The following GRIP1 variants were observed in gnomAD, a reference collection of about 807,000 sequenced individuals.
GRIP1 encodes glutamate receptor interacting protein 1.
In GRIP1, 45 loss-of-function variants were observed where a neutral mutation model predicts 129.9. The ratio of observed to expected loss-of-function variants is 0.35; its 90% CI spans 0.27 to 0.44. The LOEUF (loss-of-function observed/expected upper bound fraction) is 0.44. Among genes scored for constraint, GRIP1 ranks in the 20% least tolerant of loss-of-function variants. GRIP1 has a pLI of 1.00. For synonymous variants in GRIP1, 530 were observed against 520.8 expected (o/e 1.02, Z -0.24); for missense variants, 1,196 against 1,396.8 (o/e 0.86, Z 2.29).
intron 1 of GRIP1, among the ~76,000 whole-genome samples, chr12:66,927,206 C>T (rs924213371): frequency 2.0e-5 from 3 of 152,208 alleles, no homozygotes. Context: ...AGCCTGTGAG[C>T]TACTGTTATA....
chr12:66,552,196 A>G (rs2062164579), intron 2 of GRIP1, among the ~76,000 whole-genome samples: 1 of 152,198 alleles, frequency 6.6e-6, no homozygotes. Context: ...TGTGCCTGAA[A>G]GGGAAATGGA....
chr12:66,515,452 G>A (rs569422774), intron 7 of GRIP1, among the ~76,000 whole-genome samples, 167 bp downstream of exon 7: 261 of 152,268 alleles, frequency 1.7e-3, no homozygotes, highest in Middle Eastern at 0.01. Flanking sequence ...GTAAAGTACA[G>A]CCACTCACAT....
intron 2 of GRIP1, among the ~76,000 whole-genome samples, chr12:66,583,056 G>C (rs1194211740): frequency 3.3e-5 from 5 of 151,296 alleles, no homozygotes; most frequent in African/African-American, 4.8e-5. Context: ...TACCAAAACA[G>C]AGATATAGAT....
At chr12:67,041,396 A>T (rs1832570544) in intron 1 of GRIP1, among the ~76,000 whole-genome samples, 1 of 151,918 alleles carries the variant, frequency 6.6e-6, no homozygotes, top group Non-Finnish European at 1.5e-5. Flanking sequence ...ATATATATGG[A>T]GAGAGAGAGA....
intron 7 of GRIP1, among the ~76,000 whole-genome samples, chr12:66,473,037 AC>A (rs1363771049): frequency 1.3e-5 from 2 of 151,974 alleles, no homozygotes; most frequent in Admixed American, 6.6e-5. Context: ...AGCTCAGCAG[AC>A]CCCAGCCCCA....
chr12:66,846,299 C>T (rs1241059059), intron 1 of GRIP1, among the ~76,000 whole-genome samples: 3 of 152,136 alleles, frequency 2.0e-5, no homozygotes, highest in East Asian at 1.9e-4. Flanking sequence ...CAACATGCTC[C>T]GAATTGAAAT....
At chr12:66,971,888 C>T (rs567492206) in intron 1 of GRIP1, among the ~76,000 whole-genome samples, 1 of 152,222 alleles carries the variant, frequency 6.6e-6, no homozygotes, top group South Asian at 2.1e-4. Flanking sequence ...ATCAGAATAA[C>T]GTATTTCAAT....
intron 1 of GRIP1, among the ~76,000 whole-genome samples, chr12:66,736,313 A>G (rs1363751422): frequency 2.3e-5 from 3 of 127,814 alleles, no homozygotes; most frequent in African/African-American, 9.0e-5. Context: ...CCAAGTTGTT[A>G]GGATTACAGG....
intron 1 of GRIP1, among the ~76,000 whole-genome samples, chr12:66,825,648 A>C (rs1357771232): frequency 6.6e-6 from 1 of 152,192 alleles, no homozygotes; most frequent in Admixed American, 6.5e-5. Context: ...ATGAATGTAC[A>C]GTGCCTGGCA....
At chr12:66,738,395 AT>A (rs1007714181) in intron 1 of GRIP1, among the ~76,000 whole-genome samples, 2 of 151,060 alleles carry the variant, frequency 1.3e-5, no homozygotes, top group African/African-American at 4.9e-5. Context: ...AATTTTTTGT[AT>A]TTTTTTAGTA....
intron 1 of GRIP1, among the ~76,000 whole-genome samples, chr12:66,629,802 AT>A (rs879660871): frequency 4.6e-5 from 7 of 152,192 alleles, no homozygotes; most frequent in Admixed American, 1.3e-4. Context: ...CCATTCATCT[AT>A]TACATTCCCA....
intron 1 of GRIP1, among the ~76,000 whole-genome samples, chr12:66,721,967 T>TA (rs1421704852): frequency 6.6e-6 from 1 of 152,210 alleles, no homozygotes; most frequent in Non-Finnish European, 1.5e-5. Context: ...GGAAGAGGGT[T>TA]AGGGCATTGC....
chr12:66,596,892 T>C lies in GRIP1; in HGVS notation c.91A>G (p.Lys31Glu). 6.2e-7 allele frequency: 1 copy of C among 1,613,700 alleles called. No homozygotes were observed. Among genetic ancestry groups the C allele is most frequent in the Middle Eastern group, 1.7e-4 (1 of 6,060 alleles). The change falls in exon 2 of 25, where the codon AAG (lysine) becomes GAG (glutamate). Residue 31 changes from lysine to glutamate, a missense_variant. By Grantham distance (56) the Lys-to-Glu change is moderately conservative. Transcript: ENST00000359742. ...ACAGCCAACGCTCCATCAGGCGGCT[T>C]TGTCTGGCTGGCGGATTTAGTGTAG... ...SPYTKSASQT[K>E]PPDGALAVRR...
At chr12:66,366,041 T>A (rs1367032626) in intron 23 of GRIP1, among the ~76,000 whole-genome samples, 6 of 152,174 alleles carry the variant, frequency 3.9e-5, no homozygotes, top group African/African-American at 7.2e-5. Context: ...ACTCCTTGCC[T>A]GAAGAAAGAG....
chr12:66,356,593 C>T (rs2054499815), intron 23 of GRIP1, among the ~76,000 whole-genome samples: 1 of 151,730 alleles, frequency 6.6e-6, no homozygotes, highest in Non-Finnish European at 1.5e-5. Context: ...GTTGGAACAC[C>T]CATCTATTCA....
At chr12:66,435,007 C>T (rs1223129618) in intron 13 of GRIP1, among the ~76,000 whole-genome samples, 1 of 152,140 alleles carries the variant, frequency 6.6e-6, no homozygotes, top group Non-Finnish European at 1.5e-5. Context: ...TTGCTGGCAA[C>T]TGAAAGATCC....
At chr12:66,902,465 C>T (rs2040859140) in intron 1 of GRIP1, among the ~76,000 whole-genome samples, 1 of 152,130 alleles carries the variant, frequency 6.6e-6, no homozygotes, top group Admixed American at 6.5e-5. Flanking sequence ...ACACCACCAG[C>T]TTCAAATCTC....
rs1037931008 is a variant in GRIP1, at chr12:66,418,386, T to C, written c.1838+2334A>G. 3.3e-5 allele frequency among the ~76,000 whole-genome samples: 5 copies of C among 152,168 alleles called. No individual in the cohort carries two copies. In the South Asian group the frequency reaches 1.0e-3, roughly 31 times the overall value. Reference sequence around the variant, plus strand: ...TCCAGGACATTGCTCTGGGCAAATATGTCTCGAGTAATATCCCACAAGCAC... The same window carrying C: ...TCCAGGACATTGCTCTGGGCAAATACGTCTCGAGTAATATCCCACAAGCAC... On this transcript the variant is annotated intron_variant, in intron 15 of 24. Transcript: ENST00000359742.
intron 1 of GRIP1, among the ~76,000 whole-genome samples, chr12:67,008,049 G>A (rs2042653005): frequency 1.3e-5 from 2 of 152,114 alleles, no homozygotes; most frequent in South Asian, 4.1e-4. Flanking sequence ...TGCTTCAGAA[G>A]GAATCAATCA....
Sources: allele counts gnomAD v4.1 joint callset (sites outside exome capture counted in the v4.1 genomes callset), GRCh38; gene constraint gnomAD v4.1.1; transcripts MANE v1.5; gene names NCBI Gene and HGNC (gene_info 2026-07-23, HGNC 2026-07-21).